The following IPO11 variants were observed in gnomAD, a reference collection of about 807,000 sequenced individuals.
IPO11 encodes importin 11, also known as importin-11.
IPO11 carries 66 observed loss-of-function variants against 143.2 expected under a neutral mutation model. The ratio of observed to expected loss-of-function variants is 0.46; its 90% CI spans 0.38 to 0.57. The LOEUF (loss-of-function observed/expected upper bound fraction) is 0.57, where lower values mean the gene tolerates loss of function less well. Ranked by LOEUF, IPO11 falls within the 20% of genes least tolerant of loss-of-function variation. IPO11 has a pLI of 0.00. For missense variants in IPO11, 1,026 were observed against 1,141.0 expected (o/e 0.90, Z 1.45); for synonymous variants, 385 against 377.8 (o/e 1.02, Z -0.22).
At chr5:62,513,414 A>ACC (rs566338445) in intron 19 of IPO11, among the ~76,000 whole-genome samples, 4,286 of 50,996 alleles carry the variant, frequency 0.084, 540 homozygotes, top group South Asian at 0.15. Flanking sequence ...GGGGGCGCTG[A>ACC]CCCCCCCCCC....
chr5:62,557,247 G>A (rs1468711670), intron 26 of IPO11, among the ~76,000 whole-genome samples: 5 of 151,892 alleles, frequency 3.3e-5, no homozygotes, highest in East Asian at 1.9e-4. Context: ...GCAATGGCGC[G>A]ATCTCAGCTC....
chr5:62,589,734 C>G (rs894273585), intron 27 of IPO11, among the ~76,000 whole-genome samples: 10 of 152,092 alleles, frequency 6.6e-5, no homozygotes, highest in Admixed American at 6.5e-4. Flanking sequence ...TGCCAGAGAA[C>G]AAGAGTGACC....
chr5:62,472,584 A>G (rs995718332), intron 7 of IPO11, among the ~76,000 whole-genome samples: 5 of 150,330 alleles, frequency 3.3e-5, no homozygotes, highest in Non-Finnish European at 7.4e-5. Context: ...CTGGAGTGCA[A>G]TGGCGTGATC....
intron 29 of IPO11, among the ~76,000 whole-genome samples, chr5:62,618,958 G>C (rs562293713): frequency 1.3e-5 from 2 of 152,170 alleles, no homozygotes; most frequent in Admixed American, 1.3e-4. Context: ...AGGCCGGGCT[G>C]GGTGGCTTAC....
chr5:62,594,848 G>A (rs1394206064), intron 28 of IPO11, among the ~76,000 whole-genome samples: 1 of 152,172 alleles, frequency 6.6e-6, no homozygotes, highest in Non-Finnish European at 1.5e-5. Flanking sequence ...GGAGTCCAGG[G>A]AAACTGAGAA....
intron 19 of IPO11, 140 bp from the exon 20 acceptor site, chr5:62,515,248 G>T: frequency 6.7e-6 from 3 of 451,092 alleles, no homozygotes; most frequent in Non-Finnish European, 7.8e-6. Context: ...ATTTCTTAAG[G>T]GTATAAGCTT....
intron 3 of IPO11, chr5:62,449,673 C>T: frequency 3.7e-6 from 1 of 271,228 alleles, no homozygotes. Context: ...ATCTGATGTG[C>T]CAGTGTACAA....
At position 62,437,411 on chromosome 5, in the gene IPO11, G is replaced by A; in HGVS notation, c.132G>A (p.Val44=). The A allele has an allele frequency of 6.2e-7, 1 of 1,602,726 alleles. No homozygotes were observed. ...AGACACAGCCAGGTTTCTATTCAGT[G>A]TTGCTGGTAAGTTGTTCTAAAATTG... ...QWETQPGFYS[V]LLNIFTNHTL... Residue 44 remains valine, a synonymous_variant, in exon 2 of 30, where the codon GTG becomes GTA. Coordinates refer to ENST00000325324, the MANE Select transcript of IPO11 (RefSeq NM_016338.5).
rs76801552 is a variant in IPO11, at chr5:62,500,439, C to T, written c.1591-4228C>T. On this transcript the variant is annotated intron_variant, in intron 16 of 29. Coordinates refer to ENST00000325324, the MANE Select transcript of IPO11 (RefSeq NM_016338.5). Reference sequence around the variant, plus strand: ...GTGTAGCATATACATAAGCCAGTAACGTAGTTGCTTATTTTCATTATTAAG... The same window carrying T: ...GTGTAGCATATACATAAGCCAGTAATGTAGTTGCTTATTTTCATTATTAAG... Among the ~76,000 whole-genome samples the T allele has an allele frequency of 7.7e-3, 1,174 of 152,016 alleles. 19 individuals are homozygous for T. The highest frequency in any genetic ancestry group is 0.036 in the Admixed American group (551 of 15,262).
chr5:62,526,821 T>G (rs1450411375), intron 21 of IPO11: 1 of 152,218 alleles, frequency 6.6e-6, no homozygotes, highest in Non-Finnish European at 1.5e-5. Flanking sequence ...AAGCTCACTT[T>G]ACTGTTGGCA....
chr5:62,550,343 C>G (rs1389876628), intron 24 of IPO11, 24 bp from the exon 25 acceptor site: 9 of 1,534,422 alleles, frequency 5.9e-6, no homozygotes, highest in African/African-American at 2.7e-5. Context: ...AGTATTATCA[C>G]CAATCTTTCT....
At chr5:62,414,500 G>A (rs1743223266) in intron 1 of IPO11, among the ~76,000 whole-genome samples, 1 of 152,116 alleles carries the variant, frequency 6.6e-6, no homozygotes, top group Non-Finnish European at 1.5e-5. Context: ...TAATTTCAGA[G>A]CGTTTAAGGA....
intron 1 of IPO11, chr5:62,419,094 T>C: frequency 1.3e-6 from 2 of 1,550,900 alleles, no homozygotes; most frequent in Non-Finnish European, 1.7e-6. Flanking sequence ...AGCATGTTAC[T>C]GCACTGAATA....
At chr5:62,585,996 G>A (rs1744756943) in intron 27 of IPO11, among the ~76,000 whole-genome samples, 1 of 152,058 alleles carries the variant, frequency 6.6e-6, no homozygotes, top group African/African-American at 2.4e-5. Flanking sequence ...TCTGTTTTTG[G>A]TTTCCTTGTT....
At chr5:62,500,672 A>C (rs1741317352) in intron 16 of IPO11, among the ~76,000 whole-genome samples, 1 of 151,912 alleles carries the variant, frequency 6.6e-6, no homozygotes, top group African/African-American at 2.4e-5. Flanking sequence ...TAATTCTTTG[A>C]TTTTTTTGTA....
At chr5:62,619,817 C>T (rs1451760191) in intron 29 of IPO11, among the ~76,000 whole-genome samples, 2 of 151,796 alleles carry the variant, frequency 1.3e-5, no homozygotes, top group African/African-American at 2.4e-5. Flanking sequence ...CGAGATTGCG[C>T]CACTGCACTC....
chr5:62,471,663 A>G (rs1745776777), intron 7 of IPO11, among the ~76,000 whole-genome samples: 1 of 152,182 alleles, frequency 6.6e-6, no homozygotes, highest in Non-Finnish European at 1.5e-5. Flanking sequence ...CATATTACAT[A>G]TATTTTTCCA....
At chr5:62,585,183 C>T (rs573146204) in intron 27 of IPO11, among the ~76,000 whole-genome samples, 2 of 152,278 alleles carry the variant, frequency 1.3e-5, no homozygotes, top group African/African-American at 4.8e-5. Context: ...TGATACACAA[C>T]TTAATACATA....
chr5:62,506,297 T>C lies in IPO11; in HGVS notation c.1722T>C (p.Cys574=). 6.2e-7 allele frequency: 1 copy of C among 1,612,154 alleles called. No individual in the cohort carries two copies. Among genetic ancestry groups the C allele is most frequent in the Non-Finnish European group, 8.5e-7 (1 of 1,178,960 alleles). ...LFQLLQQVTE[C]DTKMHVLHVL... ...AGTTACTGCAGCAAGTTACAGAATG[T>C]GACACAAAGATGCATGTTTTGCATG... The change falls in exon 19 of 30, where the codon TGT becomes TGC. Residue 574 remains cysteine (C), a synonymous_variant. Coordinates refer to ENST00000325324, the MANE Select transcript of IPO11 (RefSeq NM_016338.5).
Sources: allele counts gnomAD v4.1 joint callset (sites outside exome capture counted in the v4.1 genomes callset), GRCh38; gene constraint gnomAD v4.1.1; transcripts MANE v1.5; gene names NCBI Gene and HGNC (gene_info 2026-07-23, HGNC 2026-07-21).